Variants in AUTS2 observed in about 807,000 individuals in gnomAD.
AUTS2 encodes autism susceptibility gene 2 protein.
A neutral mutation model predicts 112.4 loss-of-function variants in AUTS2; 17 were observed. The observed-to-expected ratio is 0.15, with a 90% CI of 0.10 to 0.23. The LOEUF (loss-of-function observed/expected upper bound fraction) is 0.23. AUTS2 is among the 10% of genes least tolerant of loss of function. The pLI, the probability that AUTS2 is intolerant of heterozygous loss-of-function variation, is 1.00. For synonymous variants in AUTS2, 751 were observed against 702.7 expected, an observed-to-expected ratio of 1.07 and a Z score of -1.09; for missense variants, 1,510 against 1,701.6, an observed-to-expected ratio of 0.89 and a Z score of 1.98.
intron 1 of AUTS2, among the ~76,000 whole-genome samples, chr7:69,623,282 G>C (rs970589195): frequency 2.6e-5 from 4 of 151,892 alleles, no homozygotes; most frequent in Non-Finnish European, 5.9e-5. Context: ...GAATGTAGTG[G>C]GACAGTCATG....
intron 5 of AUTS2, among the ~76,000 whole-genome samples, chr7:70,530,981 C>T (rs1800060225): frequency 6.6e-6 from 1 of 152,140 alleles, no homozygotes; most frequent in South Asian, 2.1e-4. Context: ...GGTACCATCC[C>T]TAGAAGTAGG....
rs567358242 is a variant in AUTS2 at position 70,753,800 on chromosome 7, G to A, written c.743-9070G>A. 2.5e-3 allele frequency among the ~76,000 whole-genome samples: 380 copies of A among 152,278 alleles called. 5 individuals carry two copies. The highest frequency in any genetic ancestry group is 7.5e-3 in the African/African-American group (313 of 41,562). On this transcript the variant is annotated intron_variant, in intron 6 of 18. Coordinates refer to ENST00000342771, the MANE Select transcript of AUTS2 (RefSeq NM_015570.4). The stretch of plus-strand genomic sequence containing the variant: ...GGGTTTTAATACGTATATACAATGT[G>A]CAGTCTTTGCTTAAAAAGAGATTTT...
chr7:70,475,883 C>T (rs1463839705), intron 5 of AUTS2, among the ~76,000 whole-genome samples: 1 of 151,986 alleles, frequency 6.6e-6, no homozygotes, highest in African/African-American at 2.4e-5. Context: ...AAAAAACTTT[C>T]CCAGGTATGG....
intron 11 of AUTS2, among the ~76,000 whole-genome samples, chr7:70,771,890 G>A (rs77633494): frequency 0.01 from 1,581 of 152,218 alleles, 19 homozygotes; most frequent in African/African-American, 0.036. Context: ...GATTTCTTGT[G>A]CTCTTCAAAA....
At chr7:70,293,921 G>A (rs192953191) in intron 4 of AUTS2, 175 of 152,312 alleles carry the variant, frequency 1.1e-3, no homozygotes, top group African/African-American at 4.0e-3. Context: ...GCAAAAGTAG[G>A]TATCTGAGGG....
chr7:70,486,685 A>G (rs1798014731), intron 5 of AUTS2, among the ~76,000 whole-genome samples: 1 of 151,724 alleles, frequency 6.6e-6, no homozygotes, highest in Non-Finnish European at 1.5e-5. Context: ...CTTGAACCTA[A>G]TAGGCAGAGG....
chr7:69,737,209 T>G (rs973829946), intron 1 of AUTS2, among the ~76,000 whole-genome samples: 2 of 152,198 alleles, frequency 1.3e-5, no homozygotes, highest in Admixed American at 1.3e-4. Flanking sequence ...GTGTATAGAT[T>G]GTTTTTTTTG....
At chr7:70,091,389 C>T (rs139314699) in intron 2 of AUTS2, among the ~76,000 whole-genome samples, 21 of 152,234 alleles carry the variant, frequency 1.4e-4, no homozygotes, top group Non-Finnish European at 3.1e-4. Flanking sequence ...GTTTTATCCT[C>T]ATAGGACTAT....
intron 6 of AUTS2, among the ~76,000 whole-genome samples, chr7:70,758,171 A>G (rs534622826): frequency 2.6e-4 from 39 of 152,268 alleles, no homozygotes; most frequent in African/African-American, 9.1e-4. Flanking sequence ...TACGTTGTAC[A>G]TTCGGCATTC....
intron 1 of AUTS2, among the ~76,000 whole-genome samples, chr7:69,725,557 T>C (rs1786470559): frequency 6.6e-6 from 1 of 152,162 alleles, no homozygotes; most frequent in Non-Finnish European, 1.5e-5. Flanking sequence ...AAGACTAGTA[T>C]GGACCAAGAC....
intron 5 of AUTS2, among the ~76,000 whole-genome samples, chr7:70,617,103 C>G (rs10263367): frequency 0.53 from 79,902 of 152,016 alleles, 21,760 homozygotes; most frequent in African/African-American, 0.64. Flanking sequence ...CACTGTGTTG[C>G]TTCAGTGGCT....
rs545864106 is a variant in AUTS2 at position 70,301,757 on chromosome 7, T to A, written c.661-133995T>A. On this transcript the variant is annotated intron_variant, in intron 4 of 18. Coordinates refer to ENST00000342771, the MANE Select transcript of AUTS2 (RefSeq NM_015570.4). ...ATGCCATACTAAAGTCCAAAAGGAATGGTGACAGACATTTTATTTATTTAG... is the reference window on the plus strand; with the variant it reads ...ATGCCATACTAAAGTCCAAAAGGAAAGGTGACAGACATTTTATTTATTTAG... Among the ~76,000 whole-genome samples the A allele has an allele frequency of 5.3e-5, 8 of 152,280 alleles. No homozygotes were observed. The East Asian group carries it at 1.5e-3, about 29-fold the overall frequency.
At chr7:70,688,564 A>G (rs1015563783) in intron 5 of AUTS2, among the ~76,000 whole-genome samples, 2 of 152,214 alleles carry the variant, frequency 1.3e-5, no homozygotes, top group African/African-American at 4.8e-5. Context: ...GCAGTGACTC[A>G]TGCCTCTAAT....
At chr7:70,142,746 A>T (rs889694999) in intron 4 of AUTS2, among the ~76,000 whole-genome samples, 1 of 152,192 alleles carries the variant, frequency 6.6e-6, no homozygotes, top group Non-Finnish European at 1.5e-5. Flanking sequence ...GAGGGAATGG[A>T]CAGGTCATTG....
chr7:70,046,369 A>G (rs1440480883), intron 2 of AUTS2, among the ~76,000 whole-genome samples: 1 of 152,240 alleles, frequency 6.6e-6, no homozygotes, highest in African/African-American at 2.4e-5. Flanking sequence ...AAATAAAACA[A>G]AGTGTATAAA....
Position 70,762,798 on chromosome 7 carries a change from G to T in AUTS2, c.743-72G>T. 3 of 1,160,030 alleles carry T rather than the reference G, an allele frequency of 2.6e-6. No individual in the cohort carries two copies. In the South Asian group the frequency reaches 3.9e-5, roughly 15 times the overall value. The allele number at this position is 1,160,030 out of a possible 1,614,324, so 71.9% of individuals were successfully genotyped here. ...GCTGGAGTTGTGTGATAGCCTTGGA[G>T]TTTCCTTTCCCTCCTTATGCCACAC... is the stretch of plus-strand genomic sequence containing the variant. On this transcript the variant is annotated intron_variant, in intron 6 of 18. Transcript: ENST00000342771.
At chr7:70,622,062 T>C (rs1469332442) in intron 5 of AUTS2, among the ~76,000 whole-genome samples, 1 of 151,794 alleles carries the variant, frequency 6.6e-6, no homozygotes, top group Admixed American at 6.6e-5. Context: ...GCTCTCAAAC[T>C]CCTGACTTCA....
intron 1 of AUTS2, among the ~76,000 whole-genome samples, chr7:69,823,347 T>A (rs966195590): frequency 6.6e-6 from 1 of 152,224 alleles, no homozygotes; most frequent in Non-Finnish European, 1.5e-5. Context: ...GCATGCCTCG[T>A]TAAATCTGAA....
chr7:70,363,465 G>GAAAAAAAAAAA (rs369462886), intron 4 of AUTS2, among the ~76,000 whole-genome samples: 4 of 110,766 alleles, frequency 3.6e-5, no homozygotes, highest in East Asian at 4.5e-4. Context: ...ATAAAAAAAA[G>GAAAAAAAAAAA]AAAAAAAAAA....
Sources: allele counts gnomAD v4.1 joint callset (sites outside exome capture counted in the v4.1 genomes callset), GRCh38; gene constraint gnomAD v4.1.1; transcripts MANE v1.5; gene names NCBI Gene and HGNC (gene_info 2026-07-23, HGNC 2026-07-21).